The following DLG2 variants were observed in gnomAD, a reference collection of about 807,000 sequenced individuals.
The protein encoded by DLG2 is disks large homolog 2.
In DLG2, 45 loss-of-function variants were observed where a neutral mutation model predicts 132.5. The observed-to-expected ratio is 0.34, with a 90% confidence interval of 0.27 to 0.44. The LOEUF (loss-of-function observed/expected upper bound fraction) is 0.44, where lower values mean the gene tolerates loss of function less well. DLG2 is among the 20% of genes least tolerant of loss of function. DLG2 has a pLI of 1.00. For synonymous variants in DLG2, 424 were observed against 419.6 expected (o/e 1.01, Z -0.13); for missense variants, 1,045 against 1,196.9 (o/e 0.87, Z 1.87).
chr11:85,572,790 G>A (rs2077919251), intron 3 of DLG2, among the ~76,000 whole-genome samples: 1 of 152,138 alleles, frequency 6.6e-6, no homozygotes, highest in South Asian at 2.1e-4. Flanking sequence ...CATGTGTTAG[G>A]GACACATTCA....
chr11:84,205,447 C>T (rs555964566), intron 8 of DLG2, among the ~76,000 whole-genome samples: 90 of 151,764 alleles, frequency 5.9e-4, no homozygotes, highest in African/African-American at 2.1e-3. Flanking sequence ...TTTAAGCACA[C>T]ATAAAACACT....
chr11:85,000,524 A>G (rs546539176), intron 6 of DLG2, among the ~76,000 whole-genome samples: 1 of 152,210 alleles, frequency 6.6e-6, no homozygotes, highest in Non-Finnish European at 1.5e-5. Context: ...AAACAATAAT[A>G]CTTGATTTAC....
chr11:85,137,017 T>TA (rs540268938), intron 5 of DLG2, among the ~76,000 whole-genome samples: 154 of 152,076 alleles, frequency 1.0e-3, no homozygotes, highest in African/African-American at 3.5e-3. Flanking sequence ...TGTGCATACA[T>TA]AAAAATTTAA....
chr11:85,177,957 T>C (rs2152506025), intron 4 of DLG2, among the ~76,000 whole-genome samples: 1 of 152,116 alleles, frequency 6.6e-6, no homozygotes, highest in South Asian at 2.1e-4. Flanking sequence ...TGTCTTATAT[T>C]TGGGGAAAAA....
At chr11:83,684,400 T>C (rs1183450526) in intron 18 of DLG2, 1 of 152,202 alleles carries the variant, frequency 6.6e-6, no homozygotes, top group Non-Finnish European at 1.5e-5. Context: ...AGAATAACTC[T>C]GTGGCCAACT....
chr11:84,836,049 T>C (rs1297091660), intron 6 of DLG2, among the ~76,000 whole-genome samples: 2 of 151,768 alleles, frequency 1.3e-5, no homozygotes, highest in African/African-American at 4.8e-5. Context: ...ATTCCACCTC[T>C]CAGTGTTTGC....
chr11:85,507,869 A>G (rs1167101006), intron 3 of DLG2, among the ~76,000 whole-genome samples: 1 of 152,068 alleles, frequency 6.6e-6, no homozygotes, highest in African/African-American at 2.4e-5. Flanking sequence ...TGGTCTTTTC[A>G]TGTAGTCCCA....
chr11:84,394,234 G>C (rs1379748857), intron 7 of DLG2, among the ~76,000 whole-genome samples: 1 of 151,914 alleles, frequency 6.6e-6, no homozygotes, highest in African/African-American at 2.4e-5. Context: ...TGTTCATTTA[G>C]ATTAATTCAG....
intron 3 of DLG2, among the ~76,000 whole-genome samples, chr11:85,297,406 T>C (rs1363200350): frequency 6.6e-6 from 1 of 152,164 alleles, no homozygotes; most frequent in Non-Finnish European, 1.5e-5. Context: ...GACTGCCTAA[T>C]GTTGTATGAT....
intron 6 of DLG2, among the ~76,000 whole-genome samples, chr11:84,777,392 T>C (rs1198712902): frequency 1.3e-5 from 2 of 148,634 alleles, no homozygotes; most frequent in Non-Finnish European, 3.0e-5. Context: ...CTATTGTGAA[T>C]AGTGCTGTGA....
In DLG2 at chr11:84,163,541, C is replaced by T. The variant is rs764893889; in HGVS notation, c.574-30G>A. On this transcript the variant is annotated intron_variant, in intron 8 of 27. Coordinates refer to ENST00000376104, the MANE Select transcript of DLG2 (RefSeq NM_001142699.3). The stretch of plus-strand genomic sequence containing the variant: ...AAATAGGGAAAAAATAAGAAGAGAA[C>T]TATTAAATACATGTTGAGGAGGAGA... 3 of 1,557,000 alleles carry T rather than the reference C, an allele frequency of 1.9e-6. 1 individual carries two copies. The highest frequency in any genetic ancestry group is 2.3e-5 in the South Asian group (2 of 85,400).
At chr11:84,491,592 T>C (rs2099165364) in intron 7 of DLG2, among the ~76,000 whole-genome samples, 1 of 151,874 alleles carries the variant, frequency 6.6e-6, no homozygotes, top group Non-Finnish European at 1.5e-5. Flanking sequence ...TCTAACTGGG[T>C]TTCTAATATG....
At chr11:85,513,447 T>C (rs1366186130) in intron 3 of DLG2, among the ~76,000 whole-genome samples, 3 of 151,976 alleles carry the variant, frequency 2.0e-5, no homozygotes, top group East Asian at 1.9e-4. Flanking sequence ...AAGAGACAAA[T>C]TGAGATGTCA....
intron 6 of DLG2, among the ~76,000 whole-genome samples, chr11:84,655,286 C>A (rs1172972596): frequency 6.6e-6 from 1 of 152,142 alleles, no homozygotes; most frequent in Admixed American, 6.6e-5. Context: ...TATAATCCAG[C>A]TACTCAATTT....
chr11:84,590,128 A>T (rs890311326), intron 6 of DLG2, among the ~76,000 whole-genome samples: 1 of 152,210 alleles, frequency 6.6e-6, no homozygotes, highest in African/African-American at 2.4e-5. Flanking sequence ...AATAGTAAGC[A>T]TCTAGGTTTG....
chr11:85,475,898 G>C (rs923255176), intron 3 of DLG2, among the ~76,000 whole-genome samples: 2 of 152,056 alleles, frequency 1.3e-5, no homozygotes, highest in African/African-American at 4.8e-5. Context: ...AGTCCCAGTT[G>C]CTATTTTTAG....
rs138559078 is a variant in DLG2 at position 83,608,035 on chromosome 11, T to A, written c.1940+25176A>T. ...TTACGGGGTGTTAGAAAGTTCTGTA[T>A]CTTGACCTGGGTGGTGACTACATAT... On this transcript the variant is annotated intron_variant, in intron 19 of 27. Transcript: ENST00000376104. 8.9e-4 allele frequency among the ~76,000 whole-genome samples: 136 copies of A among 152,330 alleles called. 1 individual carries two copies. The highest frequency in any genetic ancestry group is 8.9e-3 in the South Asian group (43 of 4,830).
At chr11:84,810,762 A>G (rs2076465187) in intron 6 of DLG2, among the ~76,000 whole-genome samples, 1 of 152,192 alleles carries the variant, frequency 6.6e-6, no homozygotes, top group Admixed American at 6.5e-5. Context: ...TCAGCAATAA[A>G]AAGTAACAGA....
chr11:85,411,457 TATC>T (rs2089302406), intron 3 of DLG2, among the ~76,000 whole-genome samples: 2 of 151,866 alleles, frequency 1.3e-5, no homozygotes, highest in Admixed American at 6.6e-5. Context: ...ACCTCAAGTT[TATC>T]ATGTTGAATT....
Sources: allele counts gnomAD v4.1 joint callset (sites outside exome capture counted in the v4.1 genomes callset), GRCh38; gene constraint gnomAD v4.1.1; transcripts MANE v1.5; gene names NCBI Gene and HGNC (gene_info 2026-07-23, HGNC 2026-07-21).